Variants in CEACAM5 observed in about 807,000 individuals in gnomAD.
CEACAM5 encodes the protein cell adhesion molecule CEACAM5.
CEACAM5 carries 52 observed loss-of-function variants against 63.0 expected under a neutral mutation model. The ratio of observed to expected loss-of-function variants is 0.83; its 90% CI spans 0.66 to 1.04. The LOEUF is 1.04. Among genes scored for constraint, CEACAM5 ranks in the 50% least tolerant of loss-of-function variants. CEACAM5 has a pLI of 0.00. For missense variants in CEACAM5, 790 were observed against 864.8 expected (o/e 0.91, Z 1.08); for synonymous variants, 357 against 351.3 (o/e 1.02, Z -0.18).
At chr19:41,724,525 A>G (rs1115885) in intron 8 of CEACAM5, among the ~76,000 whole-genome samples, 58,540 of 151,970 alleles carry the variant, frequency 0.39, 11,704 homozygotes, top group African/African-American at 0.48. Context: ...ACTCTGGTAC[A>G]AATTGCGTTG....
rs1309611292 is a variant in CEACAM5, at chr19:41,729,618, G to C, written c.*471G>C. 4 of 152,104 alleles carry C rather than the reference G, an allele frequency of 2.6e-5. No homozygotes were observed. The highest frequency in any genetic ancestry group is 9.7e-5 in the African/African-American group (4 of 41,404). 9.4% of individuals were successfully genotyped at this position (152,104 alleles called of 1,614,324 possible). A position where few individuals can be genotyped will look rare whatever the true frequency, so the allele number is the denominator to read the frequency against. On this transcript the variant is annotated 3_prime_UTR_variant, in exon 10 of 10. Coordinates refer to ENST00000221992, the MANE Select transcript of CEACAM5 (RefSeq NM_004363.6). ...TGAAACTGTCCACCAAGATCAAGCA[G>C]AGAAAATAATTAATTTCATGGGACT...
In CEACAM5 at chr19:41,715,696, A is replaced by G; in HGVS notation, c.750A>G (p.Arg250=). Residue 250 remains arginine, a synonymous_variant, in exon 4 of 10, where the codon AGA becomes AGG. Coordinates refer to ENST00000221992, the MANE Select transcript of CEACAM5 (RefSeq NM_004363.6). ...TTTCCCCTCTAAACACATCTTACAG[A>G]TCAGGGGAAAATCTGAACCTCTCCT... ...PTISPLNTSY[R]SGENLNLSCH... The G allele has an allele frequency of 6.2e-7, 1 of 1,614,106 alleles. No homozygotes were observed. Among genetic ancestry groups the G allele is most frequent in the South Asian group, 1.1e-5 (1 of 91,076 alleles).
At chr19:41,717,203 G>T (rs993754618) in intron 4 of CEACAM5, among the ~76,000 whole-genome samples, 1 of 152,228 alleles carries the variant, frequency 6.6e-6, no homozygotes, top group African/African-American at 2.4e-5. Flanking sequence ...CCCTGTGTCT[G>T]TCCACAACCC....
intron 5 of CEACAM5, 146 bp downstream of exon 5, chr19:41,717,879 G>C: frequency 8.9e-7 from 1 of 1,127,420 alleles, no homozygotes; most frequent in Non-Finnish European, 1.3e-6. Flanking sequence ...GCAAATCCAT[G>C]CAGGCCCAGT....
At chr19:41,716,043 TC>T (rs1555815022) in intron 4 of CEACAM5, 139 bp downstream of exon 4, 3 of 938,944 alleles carry the variant, frequency 3.2e-6, no homozygotes, top group African/African-American at 1.7e-5. Flanking sequence ...CCACTGAACC[TC>T]CCCAATATGT....
At chr19:41,717,401 G>C in intron 4 of CEACAM5, 54 bp from the exon 5 acceptor site, 1 of 1,567,864 alleles carries the variant, frequency 6.4e-7, no homozygotes, top group East Asian at 2.2e-5. Context: ...ATAGATGCCC[G>C]TGGAGGAATC....
chr19:41,720,928 C>T lies in CEACAM5; in HGVS notation c.1778C>T (p.Pro593Leu), dbSNP rs782226981. Reference protein sequence around the residue: ...DPVTLDVLYGPDTPIISPPDS... With the variant: ...DPVTLDVLYGLDTPIISPPDS... ...TTTGTTCTCTTTGTTCCAGATGGGC[C>T]GGACACCCCCATCATTTCCCCCCCA... Residue 593 changes from proline (P) to leucine (L), a missense_variant, in exon 8 of 10, where the codon CCG (proline) becomes CTG (leucine). Physicochemically the swap from Pro to Leu is moderately conservative, Grantham distance 98. Transcript: ENST00000221992. 1 of 1,614,002 alleles carries T rather than the reference C, an allele frequency of 6.2e-7. No individual in the cohort carries two copies. The highest frequency in any genetic ancestry group is 8.5e-7 in the Non-Finnish European group (1 of 1,179,982).
rs1555813587 is a variant in CEACAM5 at position 41,709,694 on chromosome 19, T to A, written c.79T>A (p.Phe27Ile). Residue 27 changes from phenylalanine to isoleucine, a missense_variant, in exon 2 of 10, where the codon TTC (phenylalanine) becomes ATC (isoleucine). Phe to Ile is a conservative substitution (Grantham distance 21). Coordinates refer to ENST00000221992, the MANE Select transcript of CEACAM5 (RefSeq NM_004363.6). Reference sequence around the variant, plus strand: ...CTCTCTCCTAGCCTCACTTCTAACCTTCTGGAACCCGCCCACCACTGCCAA... The same window carrying A: ...CTCTCTCCTAGCCTCACTTCTAACCATCTGGAACCCGCCCACCACTGCCAA... ...RLLLTASLLT[F>I]WNPPTTAKLT... 1.9e-6 allele frequency: 3 copies of A among 1,613,784 alleles called. No individual in the cohort carries two copies. Among genetic ancestry groups the A allele is most frequent in the Admixed American group, 1.7e-5 (1 of 59,996 alleles).
chr19:41,715,324 C>A, intron 3 of CEACAM5, 75 bp downstream of exon 3: 1 of 1,590,010 alleles, frequency 6.3e-7, no homozygotes, highest in Non-Finnish European at 8.6e-7. Context: ...TTTCTCAGTC[C>A]CTCTCAGGTT....
chr19:41,719,221 GGTAA>G (rs1257947212), intron 6 of CEACAM5, among the ~76,000 whole-genome samples: 1 of 152,072 alleles, frequency 6.6e-6, no homozygotes, highest in Non-Finnish European at 1.5e-5. Context: ...TTATAGACAG[GGTAA>G]GAATACCAGC....
intron 6 of CEACAM5, among the ~76,000 whole-genome samples, chr19:41,719,080 T>C (rs1600468744): frequency 6.6e-6 from 1 of 152,146 alleles, no homozygotes; most frequent in Non-Finnish European, 1.5e-5. Flanking sequence ...TCACCGGCTG[T>C]ATGAGATTGT....
chr19:41,725,847 C>T (rs1324598099), intron 8 of CEACAM5, among the ~76,000 whole-genome samples: 3 of 150,982 alleles, frequency 2.0e-5, no homozygotes, highest in Admixed American at 6.6e-5. Context: ...TTATTATTTC[C>T]TTCATGTACT....
intron 8 of CEACAM5, among the ~76,000 whole-genome samples, chr19:41,724,510 C>T (rs1555816753): frequency 6.6e-6 from 1 of 152,156 alleles, no homozygotes; most frequent in Non-Finnish European, 1.5e-5. Context: ...AAAAATGTCA[C>T]TGGGACTCTG....
intron 2 of CEACAM5, among the ~76,000 whole-genome samples, chr19:41,711,341 C>T (rs972174725): frequency 8.5e-5 from 13 of 152,162 alleles, no homozygotes; most frequent in Non-Finnish European, 1.3e-4. Flanking sequence ...GAAAGGACTT[C>T]GCTTTCTCTC....
intron 8 of CEACAM5, among the ~76,000 whole-genome samples, chr19:41,725,523 C>A (rs1380783430): frequency 2.0e-5 from 3 of 152,004 alleles, no homozygotes; most frequent in Non-Finnish European, 4.4e-5. Flanking sequence ...ACATGTGACA[C>A]CAAGCCTGGA....
At chr19:41,709,504 A>C (rs1448956108) in intron 1 of CEACAM5, among the ~76,000 whole-genome samples, 176 bp from the exon 2 acceptor site, 1 of 151,320 alleles carries the variant, frequency 6.6e-6, no homozygotes. Context: ...TGCTAAGGAA[A>C]TAGGAGACAC....
chr19:41,718,044 G>C (rs553074640), intron 5 of CEACAM5, 84 bp from the exon 6 acceptor site: 2 of 1,525,608 alleles, frequency 1.3e-6, no homozygotes, highest in South Asian at 1.2e-5. Flanking sequence ...TTGGCTCAGG[G>C]GGACACTGTT....
In CEACAM5 at chr19:41,715,777, C is replaced by A. The variant is rs1555814939; in HGVS notation, c.831C>A (p.Phe277Leu). ...ACTCTTGGTTTGTCAATGGGACTTT[C>A]CAGCAATCCACCCAAGAGCTCTTTA... is the stretch of plus-strand genomic sequence containing the variant. Reference protein sequence around the residue: ...AQYSWFVNGTFQQSTQELFIP... With the variant: ...AQYSWFVNGTLQQSTQELFIP... Residue 277 changes from phenylalanine to leucine, a missense_variant, in exon 4 of 10, where the codon TTC (phenylalanine) becomes TTA (leucine). Physicochemically the swap from Phe to Leu is conservative, Grantham distance 22. Coordinates refer to ENST00000221992, the MANE Select transcript of CEACAM5 (RefSeq NM_004363.6). 6.2e-7 allele frequency: 1 copy of A among 1,614,196 alleles called. No homozygotes were observed. Among genetic ancestry groups the A allele is most frequent in the Non-Finnish European group, 8.5e-7 (1 of 1,180,040 alleles).
In CEACAM5 at chr19:41,709,818, A is replaced by G. The variant is rs202184382; in HGVS notation, c.203A>G (p.Tyr68Cys). ...LPQHLFGYSWYKGERVDGNRQ... is the reference protein window; with the variant it reads ...LPQHLFGYSWCKGERVDGNRQ... ...CAGCATCTTTTTGGCTACAGCTGGT[A>G]CAAAGGTGAAAGAGTGGATGGCAAC... Residue 68 changes from tyrosine (Y) to cysteine (C), a missense_variant, in exon 2 of 10, where the codon TAC becomes TGC. Physicochemically the swap from Tyr to Cys is radical, Grantham distance 194. Coordinates refer to ENST00000221992, the MANE Select transcript of CEACAM5 (RefSeq NM_004363.6). 1 of 1,614,174 alleles carries G rather than the reference A, an allele frequency of 6.2e-7. No homozygotes were observed. The highest frequency in any genetic ancestry group is 2.2e-5 in the East Asian group (1 of 44,882).
Sources: allele counts gnomAD v4.1 joint callset (sites outside exome capture counted in the v4.1 genomes callset), GRCh38; gene constraint gnomAD v4.1.1; transcripts MANE v1.5; gene names NCBI Gene and HGNC (gene_info 2026-07-23, HGNC 2026-07-21).